PAK3: variants seen among roughly 807,000 people sequenced by gnomAD.
PAK3 encodes serine/threonine-protein kinase PAK 3.
A neutral mutation model predicts 41.0 loss-of-function variants in PAK3; 4 were observed. The observed-to-expected ratio is 0.10, with a 90% CI of 0.05 to 0.22. The LOEUF (loss-of-function observed/expected upper bound fraction) is 0.22. Among genes scored for constraint, PAK3 ranks in the 10% least tolerant of loss-of-function variants. The probability of loss-of-function intolerance (pLI) is 1.00; values close to 1 mark genes in which losing one functional copy is unlikely to be tolerated. For missense variants in PAK3, 205 were observed against 409.9 expected (o/e 0.50, Z 4.32); for synonymous variants, 146 against 139.6 (o/e 1.05, Z -0.32).
chrX:111,100,737 C>T (rs930374670), intron 3 of PAK3, among the ~76,000 whole-genome samples: 9 of 111,784 alleles, frequency 8.1e-5, no homozygotes, highest in African/African-American at 2.6e-4. Flanking sequence ...CTACCCCCAC[C>T]GCCAAGGTGG....
At chrX:111,191,301 G>A (rs2094558677) in intron 11 of PAK3, among the ~76,000 whole-genome samples, 1 of 110,656 alleles carries the variant, frequency 9.0e-6, no homozygotes, top group Non-Finnish European at 1.9e-5. Flanking sequence ...ATCTCACCGT[G>A]GTGCCCAGGC....
At chrX:111,149,474 C>A (rs1018955923) in intron 7 of PAK3, among the ~76,000 whole-genome samples, 2 of 111,992 alleles carry the variant, frequency 1.8e-5, no homozygotes, top group Non-Finnish European at 1.9e-5. Flanking sequence ...CCATGAGGGC[C>A]CCACCCCTGC....
Position 111,221,922 on chromosome X carries a change from A to G in PAK3, c.*1475A>G, listed in dbSNP as rs1374055590. On this transcript the variant is annotated 3_prime_UTR_variant, in exon 18 of 18. Transcript: ENST00000372007. Reference sequence around the variant, plus strand: ...ATTCCTTATATGACTTGGGGAAAATAACAAAATTTGACTACTATTTCACCA... The same window carrying G: ...ATTCCTTATATGACTTGGGGAAAATGACAAAATTTGACTACTATTTCACCA... The G allele has an allele frequency of 8.9e-6, 1 of 112,232 alleles. No homozygotes were observed. The allele number at this position is 112,232 out of a possible 1,213,427, so 9.2% of individuals were successfully genotyped here. A position where few individuals can be genotyped will look rare whatever the true frequency, so the allele number is the denominator to read the frequency against.
At chrX:111,078,774 G>A (rs1276439334) in intron 1 of PAK3, among the ~76,000 whole-genome samples, 2 of 111,947 alleles carry the variant, frequency 1.8e-5, no homozygotes, top group Non-Finnish European at 3.8e-5. Context: ...TAGGCCTCTT[G>A]TACCAGTTAT....
At chrX:110,980,838 G>C (rs1219281534) in intron 1 of PAK3, among the ~76,000 whole-genome samples, 1 of 112,281 alleles carries the variant, frequency 8.9e-6, no homozygotes, top group Non-Finnish European at 1.9e-5. Flanking sequence ...CCTTTCTTCT[G>C]GGTGTGGGGC....
intron 1 of PAK3, among the ~76,000 whole-genome samples, chrX:110,944,916 G>A (rs1433434932): frequency 8.9e-6 from 1 of 111,999 alleles, no homozygotes; most frequent in Non-Finnish European, 1.9e-5. Context: ...CACTTCCCCA[G>A]GCTGAGCTTT....
At chrX:111,000,324 C>T (rs1285484077) in intron 1 of PAK3, among the ~76,000 whole-genome samples, 1 of 111,870 alleles carries the variant, frequency 8.9e-6, no homozygotes, top group Non-Finnish European at 1.9e-5. Flanking sequence ...TTAAAAAATC[C>T]CACCCTCCAC....
rs764876326 is a variant in PAK3, at chrX:111,023,098, G to T, written c.-28+78470G>T. ...GATGTTCCCCTCTCTGTGTCCATGT[G>T]TTCTCATTGTTCAACTCCCACTTAT... On this transcript the variant is annotated intron_variant, in intron 1 of 14. Coordinates refer to the PAK3 transcript ENST00000425146. Among the ~76,000 whole-genome samples, 128 of 110,772 alleles carry T rather than the reference G, an allele frequency of 1.2e-3. 1 individual carries two copies. Among genetic ancestry groups the T allele is most frequent in the African/African-American group, 4.1e-3 (125 of 30,427 alleles).
At chrX:110,977,535 T>C (rs2091362809) in intron 1 of PAK3, among the ~76,000 whole-genome samples, 1 of 111,432 alleles carries the variant, frequency 9.0e-6, no homozygotes, top group South Asian at 3.7e-4. Flanking sequence ...TCCAAGGACA[T>C]GGAATGTCTT....
In PAK3 at chrX:111,192,187, C is replaced by T. The variant is rs368671477; in HGVS notation, c.879+12C>T. On this transcript the variant is annotated intron_variant, in intron 12 of 17. Coordinates refer to ENST00000372007, the MANE Select transcript of PAK3 (RefSeq NM_002578.5). ...CAACAGGACAAGAGGTAAGTGCTAACGTTCAATCCTGATTTTTATTTTCTT... is the reference window on the plus strand; with the variant it reads ...CAACAGGACAAGAGGTAAGTGCTAATGTTCAATCCTGATTTTTATTTTCTT... The T allele has an allele frequency of 3.6e-5, 37 of 1,013,718 alleles. No homozygotes were observed. In the African/African-American group the frequency reaches 6.6e-4, roughly 18 times the overall value. The allele number at this position is 1,013,718 out of a possible 1,213,427, so 83.5% of individuals were successfully genotyped here. A position where few individuals can be genotyped will look rare whatever the true frequency, so the allele number is the denominator to read the frequency against.
intron 5 of PAK3, among the ~76,000 whole-genome samples, chrX:111,140,772 T>G (rs1002774542): frequency 1.8e-5 from 2 of 111,743 alleles, no homozygotes; most frequent in Non-Finnish European, 3.8e-5. Context: ...CTACTTCAGT[T>G]TTCTTATTTC....
intron 1 of PAK3, among the ~76,000 whole-genome samples, chrX:111,014,890 A>C (rs1390486557): frequency 3.6e-5 from 4 of 111,385 alleles, no homozygotes; most frequent in Non-Finnish European, 7.5e-5. Context: ...CAGGAAATAA[A>C]TTCCTATCAA....
intron 8 of PAK3, among the ~76,000 whole-genome samples, chrX:111,161,163 T>C (rs2094181410): frequency 8.9e-6 from 1 of 112,053 alleles, no homozygotes; most frequent in Admixed American, 9.5e-5. Context: ...CCATTCTAAC[T>C]GTTGTGAGAT....
At chrX:111,098,957 A>G (rs2093066307) in intron 3 of PAK3, among the ~76,000 whole-genome samples, 1 of 107,621 alleles carries the variant, frequency 9.3e-6, no homozygotes, top group Non-Finnish European at 1.9e-5. Flanking sequence ...TTCCCTCTGC[A>G]GGGCCTGGAA....
chrX:111,181,755 G>A (rs953733120), intron 11 of PAK3, among the ~76,000 whole-genome samples: 1 of 94,251 alleles, frequency 1.1e-5, no homozygotes, highest in Non-Finnish European at 2.1e-5. Flanking sequence ...TTTTTTGGTT[G>A]TTCAGGAAAC....
intron 1 of PAK3, among the ~76,000 whole-genome samples, chrX:110,968,668 T>A (rs2091131722): frequency 1.8e-5 from 2 of 112,155 alleles, no homozygotes; most frequent in African/African-American, 6.5e-5. Context: ...ATTTTCTAAT[T>A]AAATTTTGTG....
intron 11 of PAK3, among the ~76,000 whole-genome samples, chrX:111,178,615 A>C (rs1157394324): frequency 1.8e-5 from 2 of 110,916 alleles, no homozygotes; most frequent in Admixed American, 9.7e-5. Context: ...TGAAAGACAC[A>C]CTCATATGTT....
At chrX:111,089,739 C>A (rs1180374456) in intron 1 of PAK3, among the ~76,000 whole-genome samples, 2 of 110,646 alleles carry the variant, frequency 1.8e-5, no homozygotes, top group Non-Finnish European at 3.8e-5. Flanking sequence ...GGGAAAAAAC[C>A]CTGGAAAGAT....
chrX:111,080,137 C>T (rs1007839412), intron 1 of PAK3, among the ~76,000 whole-genome samples: 3 of 112,319 alleles, frequency 2.7e-5, no homozygotes, highest in African/African-American at 9.7e-5. Flanking sequence ...AAAGCATCAG[C>T]AGGGTTGGAG....
Sources: allele counts gnomAD v4.1 joint callset (sites outside exome capture counted in the v4.1 genomes callset), GRCh38; gene constraint gnomAD v4.1.1; transcripts MANE v1.5; gene names NCBI Gene and HGNC (gene_info 2026-07-23, HGNC 2026-07-21).